Variants in CTTN observed in about 807,000 individuals in gnomAD.
CTTN encodes src substrate cortactin.
In CTTN, 28 loss-of-function variants were observed where a neutral mutation model predicts 84.0. The observed-to-expected ratio is 0.33, with a 90% CI of 0.25 to 0.46. The LOEUF is 0.46. CTTN is among the 20% of genes least tolerant of loss of function. CTTN has a pLI of 1.00. For missense variants in CTTN, 641 were observed against 723.8 expected (o/e 0.89, Z 1.31); for synonymous variants, 301 against 288.8 (o/e 1.04, Z -0.43).
intron 12 of CTTN, 52 bp downstream of exon 12, chr11:70,423,047 G>A (rs750697098): frequency 1.9e-6 from 3 of 1,609,950 alleles, no homozygotes; most frequent in Admixed American, 3.3e-5. Context: ...GGGGCTCTTG[G>A]TGGGCGTGGC....
At chr11:70,425,167 G>A (rs991440614) in intron 12 of CTTN, among the ~76,000 whole-genome samples, 165 bp from the exon 13 acceptor site, 4 of 152,170 alleles carry the variant, frequency 2.6e-5, no homozygotes, top group Admixed American at 2.0e-4. Context: ...TAGTTTTCAT[G>A]CCTCAGTTAG....
At chr11:70,414,710 G>A in intron 6 of CTTN, 58 bp downstream of exon 6, 1 of 1,326,106 alleles carries the variant, frequency 7.5e-7, no homozygotes, top group Non-Finnish European at 1.1e-6. Context: ...GTTCCCCGTA[G>A]ATCTGAGCCC....
chr11:70,432,407 TCTC>T (rs1210441276), intron 15 of CTTN, among the ~76,000 whole-genome samples: 1 of 152,188 alleles, frequency 6.6e-6, no homozygotes, highest in Non-Finnish European at 1.5e-5. Flanking sequence ...TCTTCCCAGA[TCTC>T]CTGGGTGCGC....
At chr11:70,423,088 G>A in intron 12 of CTTN, 93 bp downstream of exon 12, 1 of 1,449,876 alleles carries the variant, frequency 6.9e-7, no homozygotes, top group South Asian at 1.2e-5. Flanking sequence ...CACGCGCTGG[G>A]GTGGGGCACA....
intron 14 of CTTN, among the ~76,000 whole-genome samples, chr11:70,429,591 A>G (rs1024558970): frequency 6.6e-6 from 1 of 151,748 alleles, no homozygotes; most frequent in African/African-American, 2.4e-5. Flanking sequence ...CCCAGGTGGA[A>G]GTTTGGGGTT....
At chr11:70,403,189 T>TC (rs537171796) in intron 1 of CTTN, among the ~76,000 whole-genome samples, 10 of 143,364 alleles carry the variant, frequency 7.0e-5, no homozygotes, top group South Asian at 4.6e-4. Flanking sequence ...AGAGTTCCTT[T>TC]TTTTTTTTTT....
rs368918291 is a variant in CTTN, at chr11:70,436,388, T to C, written c.*1226T>C. 4.4e-5 allele frequency: 70 copies of C among 1,598,304 alleles called. No individual in the cohort carries two copies. The highest frequency in any genetic ancestry group is 5.9e-5 in the Non-Finnish European group (70 of 1,179,800). On this transcript the variant is annotated 3_prime_UTR_variant, in exon 18 of 18. Coordinates refer to ENST00000301843, the MANE Select transcript of CTTN (RefSeq NM_005231.4). ...GGTCACGTGGAAATGTCTCGGGACT[T>C]GGGTCCCGGAGTGCCCGTGAAGCGT...
rs554585872 is a variant in CTTN at position 70,418,126 on chromosome 11, A to G, written c.568+1003A>G. Among the ~76,000 whole-genome samples the G allele has an allele frequency of 7.2e-5, 11 of 152,310 alleles. No homozygotes were observed. In the South Asian group the frequency reaches 2.3e-3, roughly 32 times the overall value. On this transcript the variant is annotated intron_variant, in intron 8 of 17. Coordinates refer to ENST00000301843, the MANE Select transcript of CTTN (RefSeq NM_005231.4). ...AGCTTGACTATTTAAAAACTCAAAA[A>G]AAAAAAAAATTACCCCAAAGCAAGA...
At chr11:70,404,416 G>C (rs1395245677) in intron 1 of CTTN, among the ~76,000 whole-genome samples, 1 of 152,146 alleles carries the variant, frequency 6.6e-6, no homozygotes, top group African/African-American at 2.4e-5. Context: ...CTTGCTCCCT[G>C]CGCGGTAACC....
intron 4 of CTTN, 94 bp from the exon 5 acceptor site, chr11:70,409,737 A>G: frequency 7.3e-7 from 1 of 1,364,618 alleles, no homozygotes; most frequent in Non-Finnish European, 1.0e-6. Context: ...CAAATTTACA[A>G]AGATAATGTC....
rs774480318 is a variant in CTTN, at chr11:70,435,596, C to T, written c.*434C>T. ...GGTAGGCAGGAAGGACTGTCCCAGA[C>T]GAGGGGCTTCCTCTAGAGTCTCACT... On this transcript the variant is annotated 3_prime_UTR_variant, in exon 18 of 18. Coordinates refer to ENST00000301843, the MANE Select transcript of CTTN (RefSeq NM_005231.4). 43 of 1,577,716 alleles carry T rather than the reference C, an allele frequency of 2.7e-5. No homozygotes were observed. Among genetic ancestry groups the T allele is most frequent in the South Asian group, 4.5e-5 (4 of 88,210 alleles).
chr11:70,405,772 G>A (rs1381917197), intron 2 of CTTN, among the ~76,000 whole-genome samples: 2 of 152,198 alleles, frequency 1.3e-5, no homozygotes, highest in Non-Finnish European at 2.9e-5. Context: ...AAAAGTACCA[G>A]GCAAAGACAC....
Position 70,435,021 on chromosome 11 carries a change from C to A in CTTN, c.1517-5C>A. 6.2e-7 allele frequency: 1 copy of A among 1,613,842 alleles called. No homozygotes were observed. Among genetic ancestry groups the A allele is most frequent in the Non-Finnish European group, 8.5e-7 (1 of 1,179,956 alleles). The stretch of plus-strand genomic sequence containing the variant: ...CAGCATCTTTCTCTGTGTTCTCTTC[C>A]CCAGCGGGCGATGATGAGATCTCAT... On this transcript the variant is annotated splice_polypyrimidine_tract_variant and splice_region_variant and intron_variant, in intron 17 of 17. Coordinates refer to ENST00000301843, the MANE Select transcript of CTTN (RefSeq NM_005231.4).
chr11:70,429,991 C>T (rs941468081), intron 14 of CTTN, among the ~76,000 whole-genome samples: 19 of 152,180 alleles, frequency 1.2e-4, no homozygotes, highest in Non-Finnish European at 2.5e-4. Context: ...CCACACAGGA[C>T]GTGCTACTTT....
At position 70,431,230 on chromosome 11, in the gene CTTN, C is replaced by T. The variant is rs771426824; in HGVS notation, c.1216C>T (p.Pro406Ser). 3 of 1,614,072 alleles carry T rather than the reference C, an allele frequency of 1.9e-6. No individual in the cohort carries two copies. The highest frequency in any genetic ancestry group is 1.1e-5 in the South Asian group (1 of 91,088). The stretch of plus-strand genomic sequence containing the variant: ...CAAAACGCAAACGCCCCCTGTGTCG[C>T]CCGCACCTCAGCCAACCGAGGAGAG... ...RAKTQTPPVS[P>S]APQPTEERLP... Residue 406 changes from proline to serine, a missense_variant, in exon 15 of 18, where the codon CCC (proline) becomes TCC (serine). Coordinates refer to ENST00000301843, the MANE Select transcript of CTTN (RefSeq NM_005231.4).
At chr11:70,420,244 C>T (rs1279797755) in intron 9 of CTTN, 156 bp from the exon 10 acceptor site, 1 of 639,152 alleles carries the variant, frequency 1.6e-6, no homozygotes, top group African/African-American at 1.8e-5. Context: ...CAAGGAGGGC[C>T]TCTTCATGGA....
intron 4 of CTTN, 122 bp downstream of exon 4, chr11:70,407,713 C>G (rs2058058820): frequency 2.6e-6 from 2 of 770,822 alleles, no homozygotes; most frequent in Non-Finnish European, 4.2e-6. Flanking sequence ...TCTTCTTGAC[C>G]TGATACCCAT....
chr11:70,426,478 G>A (rs2058302540), intron 13 of CTTN, among the ~76,000 whole-genome samples: 1 of 151,878 alleles, frequency 6.6e-6, no homozygotes, highest in Admixed American at 6.6e-5. Flanking sequence ...GGGTCTTGCT[G>A]TGTCATCCAG....
intron 1 of CTTN, among the ~76,000 whole-genome samples, chr11:70,404,997 C>G (rs896685175): frequency 6.6e-6 from 1 of 151,968 alleles, no homozygotes; most frequent in African/African-American, 2.4e-5. Context: ...AGTGAAACTC[C>G]ATCTCAAAAA....
Sources: gnomAD v4.1 joint callset for allele counts (sites outside exome capture counted in the v4.1 genomes callset) on GRCh38, gnomAD v4.1.1 for gene constraint, MANE v1.5 for transcripts, NCBI Gene and HGNC (gene_info 2026-07-23, HGNC 2026-07-21) for gene names.